USP31: variants seen among roughly 807,000 people sequenced by gnomAD.
USP31 encodes ubiquitin carboxyl-terminal hydrolase 31.
Under a neutral mutation model 119.4 loss-of-function variants are expected in USP31, and 44 were observed. That is an observed-to-expected ratio of 0.37 (90% CI 0.29 to 0.47). The LOEUF (loss-of-function observed/expected upper bound fraction) is 0.47. Among genes scored for constraint, USP31 ranks in the 20% least tolerant of loss-of-function variants. The pLI, the probability that USP31 is intolerant of heterozygous loss-of-function variation, is 0.99. For missense variants in USP31, 1,643 were observed against 1,730.2 expected (o/e 0.95, Z 0.89); for synonymous variants, 749 against 705.6 (o/e 1.06, Z -0.97).
At chr16:23,123,932 A>C (rs1329187690) in intron 1 of USP31, among the ~76,000 whole-genome samples, 1 of 151,868 alleles carries the variant, frequency 6.6e-6, no homozygotes, top group African/African-American at 2.4e-5. Flanking sequence ...CTGGGAGATA[A>C]AGGCTACAGT....
intron 12 of USP31, 120 bp downstream of exon 12, chr16:23,082,318 C>A (rs1317570270): frequency 1.5e-6 from 2 of 1,340,802 alleles, no homozygotes; most frequent in Non-Finnish European, 2.1e-6. Context: ...CTATAACATA[C>A]ACAGACAGGA....
intron 1 of USP31, among the ~76,000 whole-genome samples, chr16:23,144,992 A>T (rs1338221621): frequency 6.6e-6 from 1 of 152,140 alleles, no homozygotes. Flanking sequence ...TAGCTCACGA[A>T]GCCCTTCACA....
chr16:23,138,638 A>G (rs539652416), intron 1 of USP31, among the ~76,000 whole-genome samples: 1 of 152,202 alleles, frequency 6.6e-6, no homozygotes, highest in Admixed American at 6.5e-5. Context: ...CTCCCATTCT[A>G]CCTTGTACCT....
rs751694274 is a variant in USP31, at chr16:23,087,081, A to AT, written c.1622+10dup. 2.6e-4 allele frequency: 408 copies of AT among 1,594,184 alleles called. No individual in the cohort carries two copies. Among genetic ancestry groups the AT allele is most frequent in the Non-Finnish European group, 3.2e-4 (374 of 1,171,826 alleles). On this transcript the variant is annotated intron_variant, in intron 9 of 15. Transcript: ENST00000219689. ...ATTCTAAAAGGTAATTTAAAAAAAA[A>AT]TTTTTTTTACCTTTCTACTATTGGG...
chr16:23,146,757 A>G (rs1027398016), intron 1 of USP31, among the ~76,000 whole-genome samples: 2 of 152,186 alleles, frequency 1.3e-5, no homozygotes, highest in South Asian at 4.1e-4. Context: ...TTAACAAAGC[A>G]GATCCTCAGC....
intron 6 of USP31, among the ~76,000 whole-genome samples, chr16:23,100,267 C>T (rs1009149405): frequency 1.3e-5 from 2 of 152,084 alleles, no homozygotes; most frequent in Non-Finnish European, 2.9e-5. Flanking sequence ...GTGGAAACAA[C>T]CCAAATGTTC....
chr16:23,102,227 A>T (rs969016339), intron 6 of USP31, 92 bp downstream of exon 6: 27 of 1,297,210 alleles, frequency 2.1e-5, no homozygotes, highest in Non-Finnish European at 2.8e-5. Flanking sequence ...TTAAAAAAAA[A>T]TGTATATCAT....
intron 6 of USP31, among the ~76,000 whole-genome samples, chr16:23,094,100 A>C (rs1200412220): frequency 2.0e-5 from 3 of 152,134 alleles, no homozygotes; most frequent in Non-Finnish European, 2.9e-5. Context: ...AGCCAAGGGA[A>C]GCTGTGACAG....
At chr16:23,069,716 T>C in intron 15 of USP31, 100 bp from the exon 16 acceptor site, 4 of 1,442,912 alleles carry the variant, frequency 2.8e-6, no homozygotes, top group Non-Finnish European at 3.7e-6. Context: ...CCTCATGGGA[T>C]GAAAGGAGCA....
chr16:23,112,010 A>G (rs1902334152), intron 1 of USP31, among the ~76,000 whole-genome samples: 1 of 152,214 alleles, frequency 6.6e-6, no homozygotes, highest in African/African-American at 2.4e-5. Flanking sequence ...CTTGAGATTC[A>G]GATTCGGGAG....
At chr16:23,122,543 T>C (rs1426448690) in intron 1 of USP31, among the ~76,000 whole-genome samples, 1 of 152,156 alleles carries the variant, frequency 6.6e-6, no homozygotes, top group East Asian at 1.9e-4. Flanking sequence ...ATAGCCAAAG[T>C]AGAAACAACT....
chr16:23,062,510 G>A lies in USP31; in HGVS notation c.*5536C>T, dbSNP rs535946414. On this transcript the variant is annotated 3_prime_UTR_variant, in exon 16 of 16. Coordinates refer to ENST00000219689, the MANE Select transcript of USP31 (RefSeq NM_020718.4). Reference sequence around the variant, plus strand: ...AAGTAGGAAATTCAGCGGCAGCCTGGGGTTTGCTACTGTAATTCCTACAAA... The same window carrying A: ...AAGTAGGAAATTCAGCGGCAGCCTGAGGTTTGCTACTGTAATTCCTACAAA... 1.3e-5 allele frequency: 2 copies of A among 152,558 alleles called. No homozygotes were observed. The highest frequency in any genetic ancestry group is 4.8e-5 in the African/African-American group (2 of 41,418). 9.5% of individuals were successfully genotyped at this position (152,558 alleles called of 1,614,324 possible).
chr16:23,065,141 GCAAA>G lies in USP31; in HGVS notation c.*2901_*2904del. 1 of 151,962 alleles carries G rather than the reference GCAAA, an allele frequency of 6.6e-6. No individual in the cohort carries two copies. Among genetic ancestry groups the G allele is most frequent in the East Asian group, 1.9e-4 (1 of 5,198 alleles). 9.4% of individuals were successfully genotyped at this position (151,962 alleles called of 1,614,324 possible). A position where few individuals can be genotyped will look rare whatever the true frequency, so the allele number is the denominator to read the frequency against. On this transcript the variant is annotated 3_prime_UTR_variant, in exon 16 of 16. Coordinates refer to ENST00000219689, the MANE Select transcript of USP31 (RefSeq NM_020718.4). Reference sequence around the variant, plus strand: ...GAAATCAAGAATAAAACTTTAAAAAGCAAACAAACATTACAGATACAACATTACT... The same window carrying G: ...GAAATCAAGAATAAAACTTTAAAAAGCAAACATTACAGATACAACATTACT...
chr16:23,134,520 A>G (rs1253380023), intron 1 of USP31, among the ~76,000 whole-genome samples: 1 of 152,190 alleles, frequency 6.6e-6, no homozygotes, highest in African/African-American at 2.4e-5. Context: ...GAGGCTAGCA[A>G]GTGGTGCAGC....
rs201954702 is a variant in USP31, at chr16:23,068,698, G to A, written c.3407C>T (p.Pro1136Leu). 2.0e-4 allele frequency: 318 copies of A among 1,614,004 alleles called. 3 individuals carry two copies. In the East Asian group the frequency reaches 6.2e-3, roughly 31 times the overall value. The stretch of plus-strand genomic sequence containing the variant: ...AGGTGGGAAAGGGCTCCTTGTGGCA[G>A]GGCCCGAGGCCTTTTTGGCAGATGT... ...SSTSAKKASGPATRSPFPPGK... is the reference protein window; with the variant it reads ...SSTSAKKASGLATRSPFPPGK... The change falls in exon 16 of 16, where the codon CCT becomes CTT. Residue 1136 changes from proline to leucine, a missense_variant. Around this residue, in one of 5 missense-constraint regions of USP31, gnomAD observed 699 missense variants for 650.9 expected, o/e 1.07. Coordinates refer to ENST00000219689, the MANE Select transcript of USP31 (RefSeq NM_020718.4).
chr16:23,073,468 G>C (rs1406333015), intron 14 of USP31, among the ~76,000 whole-genome samples: 2 of 152,136 alleles, frequency 1.3e-5, no homozygotes, highest in Non-Finnish European at 2.9e-5. Context: ...TTATCCACAA[G>C]AACACATCAT....
chr16:23,117,188 C>T (rs769494207), intron 1 of USP31, among the ~76,000 whole-genome samples: 1 of 152,208 alleles, frequency 6.6e-6, no homozygotes, highest in Non-Finnish European at 1.5e-5. Flanking sequence ...CCTGATCCTT[C>T]CAGGCACAAG....
intron 1 of USP31, among the ~76,000 whole-genome samples, chr16:23,140,096 T>C (rs147696498): frequency 2.6e-5 from 4 of 152,324 alleles, no homozygotes; most frequent in African/African-American, 7.2e-5. Flanking sequence ...CAGACCCATT[T>C]TTCTAAAATC....
At position 23,141,045 on chromosome 16, in the gene USP31, C is replaced by A. The variant is rs145907020; in HGVS notation, c.633+7593G>T. On this transcript the variant is annotated intron_variant, in intron 1 of 15. Transcript: ENST00000219689. Reference sequence around the variant, plus strand: ...CACTATTCAGTGCCCAGAATAACCACTTCACATTTTCACAAGATCATACCA... The same window carrying A: ...CACTATTCAGTGCCCAGAATAACCAATTCACATTTTCACAAGATCATACCA... Among the ~76,000 whole-genome samples the A allele has an allele frequency of 2.3e-3, 347 of 152,346 alleles. 3 individuals are homozygous for A. Among genetic ancestry groups the A allele is most frequent in the African/African-American group, 7.7e-3 (321 of 41,584 alleles).
Sources: gnomAD v4.1 joint callset for allele counts (sites outside exome capture counted in the v4.1 genomes callset) on GRCh38, gnomAD v4.1.1 for gene constraint, gnomAD v4.1.1 regional missense constraint, MANE v1.5 for transcripts, NCBI Gene and HGNC (gene_info 2026-07-23, HGNC 2026-07-21) for gene names.